VAC14: variants seen among roughly 807,000 people sequenced by gnomAD.
VAC14 encodes VAC14 component of PIKFYVE complex.
VAC14 carries 47 observed loss-of-function variants against 85.3 expected under a neutral mutation model. The observed-to-expected ratio is 0.55, with a 90% CI of 0.44 to 0.70. The LOEUF (loss-of-function observed/expected upper bound fraction) is 0.70. Among genes scored for constraint, VAC14 ranks in the 30% least tolerant of loss-of-function variants. VAC14 has a pLI of 0.00. For synonymous variants in VAC14, 447 were observed against 430.5 expected, an observed-to-expected ratio of 1.04 and a Z score of -0.47; for missense variants, 861 against 1,004.3, an observed-to-expected ratio of 0.86 and a Z score of 1.93.
chr16:70,800,959 G>T lies in VAC14; in HGVS notation c.-59C>A. On this transcript the variant is annotated 5_prime_UTR_variant, in exon 1 of 19. Coordinates refer to ENST00000261776, the MANE Select transcript of VAC14 (RefSeq NM_018052.5). ...CCCGCGGCTGCCGGGGCCGCGCCGG[G>T]GCCAGGGGAGTCTGCGGCTCCGCTC... is the stretch of plus-strand genomic sequence containing the variant. The T allele has an allele frequency of 7.6e-7, 1 of 1,323,416 alleles. No individual in the cohort carries two copies. The highest frequency in any genetic ancestry group is 1.0e-6 in the Non-Finnish European group (1 of 979,964). 82.0% of individuals were successfully genotyped at this position (1,323,416 alleles called of 1,614,324 possible).
intron 14 of VAC14, among the ~76,000 whole-genome samples, chr16:70,700,691 A>G (rs1176507002): frequency 6.6e-6 from 1 of 152,192 alleles, no homozygotes; most frequent in Non-Finnish European, 1.5e-5. Flanking sequence ...GAGCCCAGAC[A>G]GTGCTTCCTG....
chr16:70,766,443 CAA>C, intron 10 of VAC14: 1 of 455,166 alleles, frequency 2.2e-6, no homozygotes, highest in Non-Finnish European at 4.4e-6. Flanking sequence ...TTCTCCACAG[CAA>C]ACACCTGAAC....
intron 13 of VAC14, among the ~76,000 whole-genome samples, chr16:70,741,745 T>C (rs2030333502): frequency 6.6e-6 from 1 of 152,056 alleles, no homozygotes; most frequent in Non-Finnish European, 1.5e-5. Flanking sequence ...TCCGAGGGAG[T>C]CCCTGGCTGA....
chr16:70,773,669 C>G (rs1281717370), intron 9 of VAC14, among the ~76,000 whole-genome samples: 1 of 152,160 alleles, frequency 6.6e-6, no homozygotes, highest in Admixed American at 6.5e-5. Context: ...TTTAGATGTA[C>G]AGAAAAGTTG....
chr16:70,783,672 G>A (rs2033919664), intron 5 of VAC14, 118 bp from the exon 6 acceptor site: 14 of 971,752 alleles, frequency 1.4e-5, no homozygotes, highest in Non-Finnish European at 2.2e-5. Flanking sequence ...TTTCCCTGCA[G>A]TGCAGGTGTC....
rs115757559 is a variant in VAC14, at chr16:70,734,324, G to T, written c.1529-2697C>A. Among the ~76,000 whole-genome samples the T allele has an allele frequency of 3.2e-3, 484 of 151,758 alleles. 5 individuals carry two copies. Among genetic ancestry groups the T allele is most frequent in the African/African-American group, 0.011 (466 of 41,350 alleles). ...CAGCTAAATTTTTTCTTTGAGATGG[G>T]GTCTCCCTATGTTGCCCAGGCTAGT... On this transcript the variant is annotated intron_variant, in intron 13 of 18. Coordinates refer to ENST00000261776, the MANE Select transcript of VAC14 (RefSeq NM_018052.5).
rs2033833185 is a variant in VAC14, at chr16:70,781,959, T to C, written c.856A>G (p.Ile286Val). 1 of 1,614,050 alleles carries C rather than the reference T, an allele frequency of 6.2e-7. No individual in the cohort carries two copies. The highest frequency in any genetic ancestry group is 8.5e-7 in the Non-Finnish European group (1 of 1,180,024). ...AGCATGACGCGGCCCGCCAGCTGGA[T>C]GAACTCCCGCATCCAGCACATGGCT... is the stretch of plus-strand genomic sequence containing the variant. ...LTAMCWMREF[I>V]QLAGRVMLPY... The change falls in exon 8 of 19, where the codon ATC becomes GTC. Residue 286 changes from isoleucine (I) to valine (V), a missense_variant. Transcript: ENST00000261776.
In VAC14 at chr16:70,744,409, A is replaced by C. The variant is rs113487117; in HGVS notation, c.1528+14T>G. The C allele has an allele frequency of 2.7e-4, 434 of 1,613,888 alleles. 6 individuals are homozygous for C. In the African/African-American group the frequency reaches 3.0e-3, roughly 11 times the overall value. ...TAAGGCCCCTGAGGCTAGAACCTTC[A>C]GGAGAAGACTTACCAGAGGTGTTCA... On this transcript the variant is annotated intron_variant, in intron 13 of 18. Transcript: ENST00000261776.
At chr16:70,730,345 A>G (rs1348159187) in intron 14 of VAC14, among the ~76,000 whole-genome samples, 1 of 152,050 alleles carries the variant, frequency 6.6e-6, no homozygotes, top group Non-Finnish European at 1.5e-5. Context: ...CTGACCCCTG[A>G]GTAAGGTCTC....
chr16:70,736,215 G>A (rs1031519035), intron 13 of VAC14, among the ~76,000 whole-genome samples: 2 of 152,192 alleles, frequency 1.3e-5, no homozygotes, highest in Non-Finnish European at 2.9e-5. Flanking sequence ...AGTGCAGTAA[G>A]AGCCCCTATT....
chr16:70,708,867 G>C (rs945808593), intron 14 of VAC14, among the ~76,000 whole-genome samples: 1 of 152,174 alleles, frequency 6.6e-6, no homozygotes, highest in Non-Finnish European at 1.5e-5. Flanking sequence ...ATTGTCCCCC[G>C]GCCATGAAGC....
chr16:70,749,813 T>TG (rs1316165419), intron 12 of VAC14, among the ~76,000 whole-genome samples: 1 of 152,048 alleles, frequency 6.6e-6, no homozygotes, highest in Non-Finnish European at 1.5e-5. Context: ...GCCCAGGGGG[T>TG]GACCTTGAGG....
At position 70,744,512 on chromosome 16, in the gene VAC14, G is replaced by A. The variant is rs2030677839; in HGVS notation, c.1439C>T (p.Pro480Leu). The A allele has an allele frequency of 1.9e-6, 3 of 1,613,608 alleles. No homozygotes were observed. ...GAGGTCAGGGCCATCGAGGGGGCCT[G>A]GGTCATCCGTCTGGCCTGCGGGGGA... The part of the protein sequence containing the change: ...ASSPAGQTDD[P>L]GPLDGPDLQA... The change falls in exon 13 of 19, where the codon CCA (proline) becomes CTA (leucine). Residue 480 changes from proline to leucine, a missense_variant. Around this residue, in one of 3 missense-constraint regions of VAC14, gnomAD observed 629 missense variants for 703.1 expected, o/e 0.89. Transcript: ENST00000261776.
intron 14 of VAC14, among the ~76,000 whole-genome samples, chr16:70,701,037 G>A (rs1355551626): frequency 6.6e-6 from 1 of 152,192 alleles, no homozygotes; most frequent in Admixed American, 6.5e-5. Flanking sequence ...TGGTGTCCCA[G>A]AGAAGCTGGG....
At chr16:70,727,246 G>C (rs1164470585) in intron 14 of VAC14, among the ~76,000 whole-genome samples, 1 of 152,238 alleles carries the variant, frequency 6.6e-6, no homozygotes, top group Non-Finnish European at 1.5e-5. Context: ...CAGCTAAAGA[G>C]GGGGTTAAGA....
At chr16:70,781,847 T>C in intron 8 of VAC14, 22 bp downstream of exon 8, 1 of 1,612,806 alleles carries the variant, frequency 6.2e-7, no homozygotes, top group Admixed American at 1.7e-5. Context: ...TCTCAATTAT[T>C]CTCTCCCAAA....
Position 70,762,661 on chromosome 16 carries a change from G to A in VAC14, c.1306-56C>T, listed in dbSNP as rs1282924841. The A allele has an allele frequency of 2.4e-5, 38 of 1,578,392 alleles. No homozygotes were observed. Among genetic ancestry groups the A allele is most frequent in the South Asian group, 6.7e-5 (6 of 89,240 alleles). On this transcript the variant is annotated intron_variant, in intron 11 of 18. Coordinates refer to ENST00000261776, the MANE Select transcript of VAC14 (RefSeq NM_018052.5). The surrounding 1 kb of genome is among the most constrained non-coding windows in gnomAD (Gnocchi z 4.1). Reference sequence around the variant, plus strand: ...AGTGCTCCCTTCGCCCCGGGACTACGTGCAGTGCAGTGTCCCGCTGGTGTG... The same window carrying A: ...AGTGCTCCCTTCGCCCCGGGACTACATGCAGTGCAGTGTCCCGCTGGTGTG...
intron 12 of VAC14, chr16:70,756,195 C>T: frequency 2.3e-6 from 1 of 429,014 alleles, no homozygotes; most frequent in East Asian, 7.0e-5. Context: ...AGCCAGGCAG[C>T]CTCACCCCAG....
chr16:70,766,461 G>A (rs2032821418), intron 10 of VAC14: 4 of 456,702 alleles, frequency 8.8e-6, no homozygotes, highest in Middle Eastern at 3.3e-4. Flanking sequence ...TGAACACAGC[G>A]AACCTGAAGG....
Sources: allele counts gnomAD v4.1 joint callset (sites outside exome capture counted in the v4.1 genomes callset), GRCh38; gene constraint gnomAD v4.1.1; regional missense constraint gnomAD v4.1.1; non-coding constraint Gnocchi (gnomAD v3.1); transcripts MANE v1.5; gene names NCBI Gene and HGNC (gene_info 2026-07-23, HGNC 2026-07-21).